FBXL17: variants seen among roughly 807,000 people sequenced by gnomAD.
FBXL17 encodes F-box and leucine rich repeat protein 17.
FBXL17 carries 22 observed loss-of-function variants against 66.2 expected under a neutral mutation model. The ratio of observed to expected loss-of-function variants is 0.33; its 90% CI spans 0.24 to 0.47. The LOEUF is 0.47. Ranked by LOEUF, FBXL17 falls within the 20% of genes least tolerant of loss-of-function variation. The pLI is 1.00. For missense variants in FBXL17, 878 were observed against 948.2 expected (o/e 0.93, Z 0.97); for synonymous variants, 474 against 400.5 (o/e 1.18, Z -2.19).
At chr5:108,377,803 T>C (rs1268118089) in intron 1 of FBXL17, among the ~76,000 whole-genome samples, 1 of 152,232 alleles carries the variant, frequency 6.6e-6, no homozygotes, top group Non-Finnish European at 1.5e-5. Flanking sequence ...AAAACTTAGA[T>C]GGCCTAGATC....
chr5:107,909,167 T>C (rs897850144), intron 7 of FBXL17, among the ~76,000 whole-genome samples: 5 of 152,088 alleles, frequency 3.3e-5, no homozygotes, highest in African/African-American at 4.8e-5. Flanking sequence ...AAAAACACAG[T>C]GAAGGGAGTA....
intron 6 of FBXL17, among the ~76,000 whole-genome samples, chr5:108,126,645 C>CTATATATA (rs1480867904): frequency 5.3e-5 from 4 of 76,034 alleles, no homozygotes; most frequent in African/African-American, 1.9e-4. Context: ...CTCTCTCTCT[C>CTATATATA]TCTCTCTATA....
intron 7 of FBXL17, among the ~76,000 whole-genome samples, chr5:107,898,375 A>G (rs1749452562): frequency 6.6e-6 from 1 of 152,152 alleles, no homozygotes; most frequent in African/African-American, 2.4e-5. Context: ...CCTGAGACAG[A>G]AAGACCAGCC....
chr5:108,224,808 A>G (rs1415352827), intron 4 of FBXL17, among the ~76,000 whole-genome samples: 2 of 151,770 alleles, frequency 1.3e-5, no homozygotes, highest in Admixed American at 6.6e-5. Flanking sequence ...TTGTATTTTT[A>G]GTGGAGACGG....
At chr5:108,346,932 T>C (rs1747317210) in intron 4 of FBXL17, among the ~76,000 whole-genome samples, 1 of 152,132 alleles carries the variant, frequency 6.6e-6, no homozygotes, top group Non-Finnish European at 1.5e-5. Flanking sequence ...ATAAAAATTA[T>C]TAAATGTTAT....
chr5:107,922,764 C>T (rs1750367880), intron 7 of FBXL17, among the ~76,000 whole-genome samples: 1 of 152,120 alleles, frequency 6.6e-6, no homozygotes, highest in African/African-American at 2.4e-5. Context: ...CAGGCAGAAA[C>T]CTAACTTTCA....
intron 4 of FBXL17, among the ~76,000 whole-genome samples, chr5:108,239,992 T>C (rs1485407028): frequency 6.6e-6 from 1 of 151,898 alleles, no homozygotes; most frequent in Non-Finnish European, 1.5e-5. Context: ...GGGAAGGACC[T>C]TGGCCTGGAA....
At chr5:108,264,967 T>C (rs1046504233) in intron 4 of FBXL17, among the ~76,000 whole-genome samples, 49 of 152,100 alleles carry the variant, frequency 3.2e-4, no homozygotes, top group Middle Eastern at 3.4e-3. Context: ...GGCATTGTCA[T>C]AGGTCAAAAG....
chr5:107,919,829 C>T (rs921069052), intron 7 of FBXL17, among the ~76,000 whole-genome samples: 2 of 152,202 alleles, frequency 1.3e-5, no homozygotes, highest in African/African-American at 4.8e-5. Flanking sequence ...AGATCACTTA[C>T]CAACTGATTG....
intron 7 of FBXL17, among the ~76,000 whole-genome samples, chr5:107,935,985 G>A (rs369309900): frequency 6.6e-6 from 1 of 152,070 alleles, no homozygotes; most frequent in South Asian, 2.1e-4. Context: ...AAACTTAATT[G>A]GGAATTCTCT....
chr5:108,273,708 T>C (rs889868165), intron 4 of FBXL17, among the ~76,000 whole-genome samples: 1 of 152,008 alleles, frequency 6.6e-6, no homozygotes, highest in African/African-American at 2.4e-5. Context: ...AAAGAAAAAA[T>C]ACCAAAATTA....
At chr5:108,215,353 C>G (rs1479830951) in intron 5 of FBXL17, among the ~76,000 whole-genome samples, 2 of 152,184 alleles carry the variant, frequency 1.3e-5, no homozygotes, top group Non-Finnish European at 2.9e-5. Flanking sequence ...TCTAATTTCT[C>G]CACTTCTTTG....
Position 107,908,771 on chromosome 5 carries a change from C to T in FBXL17, c.1823-27592G>A, listed in dbSNP as rs527278401. 1.1e-4 allele frequency among the ~76,000 whole-genome samples: 17 copies of T among 152,244 alleles called. No individual in the cohort carries two copies. The South Asian group carries it at 3.3e-3, about 30-fold the overall frequency. ...TGAGCATATGAGGGAGCCTTTATATCTCTGGAAAGAAACCGCTAGCATCAG... is the reference window on the plus strand; with the variant it reads ...TGAGCATATGAGGGAGCCTTTATATTTCTGGAAAGAAACCGCTAGCATCAG... On this transcript the variant is annotated intron_variant, in intron 7 of 8. Transcript: ENST00000542267.
chr5:107,963,312 T>C (rs1022547561), intron 7 of FBXL17, among the ~76,000 whole-genome samples: 9 of 152,120 alleles, frequency 5.9e-5, no homozygotes, highest in African/African-American at 1.4e-4. Flanking sequence ...CATAGTCCCC[T>C]GGTCCCAAAA....
chr5:107,861,709 A>G lies in FBXL17; in HGVS notation c.*11T>C. On this transcript the variant is annotated 3_prime_UTR_variant, in exon 9 of 9. Coordinates refer to ENST00000542267, the MANE Select transcript of FBXL17 (RefSeq NM_001163315.3). ...CTGAATGATCCCAGTGGACTAGGCG[A>G]GGCAGGAGCGCTAGGAGGAGGCGGC... is the stretch of plus-strand genomic sequence containing the variant. 1 of 1,566,168 alleles carries G rather than the reference A, an allele frequency of 6.4e-7. No homozygotes were observed. Among genetic ancestry groups the G allele is most frequent in the East Asian group, 2.3e-5 (1 of 42,650 alleles).
At chr5:108,032,860 A>C (rs1333992892) in intron 6 of FBXL17, among the ~76,000 whole-genome samples, 2 of 152,202 alleles carry the variant, frequency 1.3e-5, no homozygotes, top group Non-Finnish European at 2.9e-5. Context: ...ACTGGATTAC[A>C]TGTGTAACAC....
chr5:108,273,473 A>G lies in FBXL17; in HGVS notation c.1507-49245T>C, dbSNP rs183741223. Among the ~76,000 whole-genome samples, 20 of 152,234 alleles carry G rather than the reference A, an allele frequency of 1.3e-4. No individual in the cohort carries two copies. In the East Asian group the frequency reaches 3.3e-3, roughly 25 times the overall value. ...CAAAACAAATGCAGAAAAAAAATGC[A>G]ATATTTATTATGAATAACTCTTGGA... is the stretch of plus-strand genomic sequence containing the variant. On this transcript the variant is annotated intron_variant, in intron 4 of 8. Coordinates refer to ENST00000542267, the MANE Select transcript of FBXL17 (RefSeq NM_001163315.3).
At chr5:108,095,715 T>C (rs1301290789) in intron 6 of FBXL17, among the ~76,000 whole-genome samples, 2 of 152,150 alleles carry the variant, frequency 1.3e-5, no homozygotes, top group Non-Finnish European at 2.9e-5. Context: ...CAAATTTACT[T>C]ACAATTTATT....
intron 8 of FBXL17, among the ~76,000 whole-genome samples, chr5:107,867,598 G>A (rs1448642845): frequency 1.3e-5 from 2 of 152,256 alleles, no homozygotes; most frequent in Non-Finnish European, 2.9e-5. Flanking sequence ...TGACATTTAA[G>A]CTCCCTTTTA....
Sources: gnomAD v4.1 joint callset for allele counts (sites outside exome capture counted in the v4.1 genomes callset) on GRCh38, gnomAD v4.1.1 for gene constraint, MANE v1.5 for transcripts, NCBI Gene and HGNC (gene_info 2026-07-23, HGNC 2026-07-21) for gene names.